Variants in SLC4A10 observed in about 807,000 individuals in gnomAD.
The protein encoded by SLC4A10 is sodium-driven chloride bicarbonate exchanger.
A neutral mutation model predicts 137.7 loss-of-function variants in SLC4A10; 42 were observed. That is an observed-to-expected ratio of 0.30 (90% CI 0.24 to 0.39). The LOEUF is 0.39. Among genes scored for constraint, SLC4A10 ranks in the 10% least tolerant of loss-of-function variants. SLC4A10 has a pLI of 1.00. For missense variants in SLC4A10, 925 were observed against 1,355.0 expected (o/e 0.68, Z 4.98); for synonymous variants, 474 against 464.1 (o/e 1.02, Z -0.27).
At chr2:161,901,055 A>G (rs758587058) in intron 12 of SLC4A10, 44 bp downstream of exon 12, 2 of 1,363,316 alleles carry the variant, frequency 1.5e-6, no homozygotes, top group South Asian at 1.2e-5. Context: ...ACCAAATGAC[A>G]TACCATTCTT....
intron 2 of SLC4A10, among the ~76,000 whole-genome samples, chr2:161,784,395 A>T (rs1166891288): frequency 6.6e-6 from 1 of 151,960 alleles, no homozygotes; most frequent in African/African-American, 2.4e-5. Context: ...CCTTATAGAA[A>T]AAAATGGACC....
chr2:161,967,133 G>A (rs1697745151), intron 23 of SLC4A10, among the ~76,000 whole-genome samples: 2 of 152,082 alleles, frequency 1.3e-5, no homozygotes, highest in Non-Finnish European at 2.9e-5. Context: ...CTGTCTGTAG[G>A]GAGTTTGCAC....
chr2:161,882,492 T>C (rs189549486), intron 10 of SLC4A10, 48 bp downstream of exon 10: 158 of 1,310,048 alleles, frequency 1.2e-4, no homozygotes, highest in Admixed American at 4.6e-4. Context: ...TAGGTATACC[T>C]AAAACTTTTG....
chr2:161,868,948 G>A (rs2060940617), intron 6 of SLC4A10, among the ~76,000 whole-genome samples: 1 of 151,434 alleles, frequency 6.6e-6, no homozygotes, highest in African/African-American at 2.4e-5. Flanking sequence ...TCATTTATAG[G>A]AAATAATATG....
chr2:161,949,449 T>C (rs1211976862), intron 18 of SLC4A10, among the ~76,000 whole-genome samples, 188 bp downstream of exon 18: 3 of 151,682 alleles, frequency 2.0e-5, no homozygotes, highest in Admixed American at 2.0e-4. Context: ...AATTACAAAA[T>C]ATAAATAATT....
chr2:161,678,106 A>C (rs1418721386), intron 1 of SLC4A10, among the ~76,000 whole-genome samples: 1 of 152,150 alleles, frequency 6.6e-6, no homozygotes, highest in Non-Finnish European at 1.5e-5. Context: ...TTAGACAGAT[A>C]CGTCTTTCCT....
chr2:161,977,352 A>G lies in SLC4A10; in HGVS notation c.3345-370A>G, dbSNP rs753501959. ...AAGTCTTCCCTAAACTTCTTATCCC[A>G]AAACTTTCAACTCCTGAAAGTTCTA... On this transcript the variant is annotated intron_variant, in intron 25 of 26. Transcript: ENST00000446997. The G allele has an allele frequency of 1.9e-4, 87 of 460,384 alleles. No individual in the cohort carries two copies. In the Middle Eastern group the frequency reaches 2.5e-3, roughly 13 times the overall value. 28.5% of individuals were successfully genotyped at this position (460,384 alleles called of 1,614,324 possible).
At chr2:161,723,832 G>T (rs115340276) in intron 1 of SLC4A10, among the ~76,000 whole-genome samples, 42 of 152,266 alleles carry the variant, frequency 2.8e-4, no homozygotes, top group African/African-American at 9.9e-4. Flanking sequence ...GTTGAGAATT[G>T]CTGCTTTACA....
chr2:161,820,630 T>C (rs1285263634), intron 3 of SLC4A10, among the ~76,000 whole-genome samples: 2 of 152,242 alleles, frequency 1.3e-5, no homozygotes, highest in Non-Finnish European at 2.9e-5. Flanking sequence ...AGCCTATTCA[T>C]TTTCATTATT....
chr2:161,905,999 A>C, intron 15 of SLC4A10, 112 bp downstream of exon 15: 1 of 1,350,454 alleles, frequency 7.4e-7, no homozygotes, highest in East Asian at 2.5e-5. Context: ...AAGTTGATTC[A>C]TGACCTAAAT....
chr2:161,691,379 AGAAT>A (rs886222863), intron 1 of SLC4A10, among the ~76,000 whole-genome samples: 5 of 151,898 alleles, frequency 3.3e-5, no homozygotes, highest in African/African-American at 1.2e-4. Flanking sequence ...AAAAATAGAA[AGAAT>A]GAATAAGACC....
At chr2:161,929,444 C>T (rs762277145) in intron 15 of SLC4A10, among the ~76,000 whole-genome samples, 1 of 152,340 alleles carries the variant, frequency 6.6e-6, no homozygotes, top group South Asian at 2.1e-4. Context: ...CTGCTAACAG[C>T]TTAAACACGT....
At chr2:161,812,049 G>A (rs2056600949) in intron 3 of SLC4A10, among the ~76,000 whole-genome samples, 1 of 151,886 alleles carries the variant, frequency 6.6e-6, no homozygotes, top group Non-Finnish European at 1.5e-5. Context: ...TGCTTTATTT[G>A]GTTTATTCAA....
rs2060194771 is a variant in SLC4A10, at chr2:161,857,881, A to G, written c.577+2751A>G. ...ATAAAAATAATTTTTTTATTAACCT[A>G]TAATCATAATATTTGGGGATGGGAT... is the stretch of plus-strand genomic sequence containing the variant. On this transcript the variant is annotated intron_variant, in intron 5 of 26. Coordinates refer to ENST00000446997, the MANE Select transcript of SLC4A10 (RefSeq NM_001178015.2). 2.0e-5 allele frequency among the ~76,000 whole-genome samples: 3 copies of G among 152,166 alleles called. 1 individual carries two copies. Among genetic ancestry groups the G allele is most frequent in the South Asian group, 4.1e-4 (2 of 4,832 alleles).
intron 3 of SLC4A10, among the ~76,000 whole-genome samples, chr2:161,835,328 C>A (rs535537162): frequency 9.2e-5 from 14 of 152,150 alleles, no homozygotes; most frequent in Non-Finnish European, 1.9e-4. Flanking sequence ...TGAACCACTG[C>A]GCCCGGCCAA....
intron 11 of SLC4A10, among the ~76,000 whole-genome samples, chr2:161,900,164 A>G (rs1682728230): frequency 6.6e-6 from 1 of 152,126 alleles, no homozygotes; most frequent in Non-Finnish European, 1.5e-5. Context: ...TGATTTTTTA[A>G]GAAATCATAT....
Position 161,826,367 on chromosome 2 carries a change from C to G in SLC4A10, c.278-13422C>G, listed in dbSNP as rs1227542288. On this transcript the variant is annotated intron_variant, in intron 3 of 26. Transcript: ENST00000446997. Reference sequence around the variant, plus strand: ...TCTCTTAAGCTAAATGTCATAGTAACCAAGGCTTGTGTACTTCATGACAGC... The same window carrying G: ...TCTCTTAAGCTAAATGTCATAGTAAGCAAGGCTTGTGTACTTCATGACAGC... Among the ~76,000 whole-genome samples, 3 of 152,080 alleles carry G rather than the reference C, an allele frequency of 2.0e-5. No individual in the cohort carries two copies. The East Asian group carries it at 5.8e-4, about 29-fold the overall frequency.
chr2:161,811,279 T>A (rs1397993622), intron 3 of SLC4A10, among the ~76,000 whole-genome samples: 1 of 152,016 alleles, frequency 6.6e-6, no homozygotes, highest in Non-Finnish European at 1.5e-5. Flanking sequence ...TAACTAGTAG[T>A]CTATCAATCT....
intron 10 of SLC4A10, among the ~76,000 whole-genome samples, chr2:161,884,005 A>T (rs2062021554): frequency 6.6e-6 from 1 of 152,194 alleles, no homozygotes; most frequent in African/African-American, 2.4e-5. Flanking sequence ...GAAATTATTC[A>T]ATCCACTGTA....
Sources: gnomAD v4.1 joint callset for allele counts (sites outside exome capture counted in the v4.1 genomes callset) on GRCh38, gnomAD v4.1.1 for gene constraint, MANE v1.5 for transcripts, NCBI Gene and HGNC (gene_info 2026-07-23, HGNC 2026-07-21) for gene names.